Variants in NTRK2 observed in about 807,000 individuals in gnomAD.
The protein encoded by NTRK2 is BDNF/NT-3 growth factors receptor.
In NTRK2, 13 loss-of-function variants were observed where a neutral mutation model predicts 94.5. The observed-to-expected ratio is 0.14, with a 90% CI of 0.09 to 0.22. The LOEUF (loss-of-function observed/expected upper bound fraction) is 0.22, where lower values mean the gene tolerates loss of function less well. Ranked by LOEUF, NTRK2 falls within the 10% of genes least tolerant of loss-of-function variation. The pLI, the probability that NTRK2 is intolerant of heterozygous loss-of-function variation, is 1.00. For missense variants in NTRK2, 639 were observed against 1,071.2 expected (o/e 0.60, Z 5.63); for synonymous variants, 372 against 407.4 (o/e 0.91, Z 1.05).
At chr9:84,851,818 T>TAAAAAAGCA (rs2074786473) in intron 12 of NTRK2, among the ~76,000 whole-genome samples, 1 of 152,184 alleles carries the variant, frequency 6.6e-6, no homozygotes, top group African/African-American at 2.4e-5. Context: ...GCAAAAAGTT[T>TAAAAAAGCA]CCTGTGCGGT....
intron 6 of NTRK2, among the ~76,000 whole-genome samples, chr9:84,717,321 T>G (rs187971823): frequency 3.9e-5 from 6 of 152,378 alleles, no homozygotes; most frequent in African/African-American, 1.4e-4. Context: ...TAACCCATCT[T>G]ATTTGTTGCC....
chr9:85,007,627 G>A (rs1831118044), intron 17 of NTRK2, among the ~76,000 whole-genome samples: 1 of 152,158 alleles, frequency 6.6e-6, no homozygotes, highest in Non-Finnish European at 1.5e-5. Flanking sequence ...GATGTCTTTG[G>A]AAGCATAACC....
At chr9:84,748,018 G>A (rs1368829951) in intron 11 of NTRK2, among the ~76,000 whole-genome samples, 2 of 152,180 alleles carry the variant, frequency 1.3e-5, no homozygotes. Context: ...AAGAGTTTGA[G>A]AGCCAAGAAG....
In NTRK2 at chr9:85,021,669, T is replaced by C; in HGVS notation, c.*232T>C. ...CTTTCTCTCTTTCCATCTCCCTTGG[T>C]TGTTCCTTTTTCTTTTTTTAAATTT... is the stretch of plus-strand genomic sequence containing the variant. On this transcript the variant is annotated 3_prime_UTR_variant, in exon 19 of 19. Coordinates refer to ENST00000277120, the MANE Select transcript of NTRK2 (RefSeq NM_006180.6). 3.5e-6 allele frequency: 2 copies of C among 568,606 alleles called. No homozygotes were observed. Among genetic ancestry groups the C allele is most frequent in the Admixed American group, 3.2e-5 (1 of 31,396 alleles). The allele number at this position is 568,606 out of a possible 1,614,324, so 35.2% of individuals were successfully genotyped here.
intron 14 of NTRK2, among the ~76,000 whole-genome samples, chr9:84,879,176 G>A (rs980197796): frequency 2.6e-5 from 4 of 152,188 alleles, no homozygotes; most frequent in South Asian, 2.1e-4. Context: ...GTGAGAGAGA[G>A]ACGGAGAGTG....
intron 13 of NTRK2, 140 bp downstream of exon 13, chr9:84,861,227 A>G: frequency 1.4e-6 from 1 of 702,994 alleles, no homozygotes; most frequent in South Asian, 1.8e-5. Flanking sequence ...TTGAAGAAGT[A>G]GGTCTAGAAT....
chr9:84,913,556 A>G (rs531346377), intron 14 of NTRK2, among the ~76,000 whole-genome samples: 1 of 152,272 alleles, frequency 6.6e-6, no homozygotes, highest in Non-Finnish European at 1.5e-5. Flanking sequence ...TGGATATAGT[A>G]TTCTGGACTA....
chr9:84,690,751 T>C (rs1245676470), intron 2 of NTRK2, among the ~76,000 whole-genome samples: 7 of 152,046 alleles, frequency 4.6e-5, no homozygotes, highest in Admixed American at 4.6e-4. Context: ...ATAATTTATA[T>C]GTTAGATTGA....
chr9:84,869,766 A>G (rs2075759176), intron 14 of NTRK2, among the ~76,000 whole-genome samples: 1 of 152,124 alleles, frequency 6.6e-6, no homozygotes, highest in Non-Finnish European at 1.5e-5. Flanking sequence ...GTAGCTTTAT[A>G]TTACTGAAAT....
intron 15 of NTRK2, among the ~76,000 whole-genome samples, chr9:84,944,596 A>C (rs1443666034): frequency 6.6e-6 from 1 of 152,204 alleles, no homozygotes; most frequent in African/African-American, 2.4e-5. Context: ...AGTGACTCAG[A>C]CCATCCTCTG....
At chr9:84,735,789 G>A (rs547337627) in intron 9 of NTRK2, among the ~76,000 whole-genome samples, 17 of 152,322 alleles carry the variant, frequency 1.1e-4, no homozygotes, top group Admixed American at 3.9e-4. Flanking sequence ...TTGATCCACT[G>A]TATGTCAGTC....
intron 8 of NTRK2, among the ~76,000 whole-genome samples, chr9:84,724,636 G>T (rs2062318438): frequency 6.6e-6 from 1 of 151,998 alleles, no homozygotes; most frequent in South Asian, 2.1e-4. Flanking sequence ...TATACTTTGG[G>T]CTGGTTGCTC....
At chr9:84,773,287 A>G (rs1588500972) in intron 12 of NTRK2, among the ~76,000 whole-genome samples, 1 of 152,144 alleles carries the variant, frequency 6.6e-6, no homozygotes, top group Non-Finnish European at 1.5e-5. Context: ...ACTCTTATAG[A>G]CCCTGAGGAT....
intron 12 of NTRK2, among the ~76,000 whole-genome samples, chr9:84,807,649 T>A (rs1393533149): frequency 2.0e-5 from 3 of 152,230 alleles, no homozygotes; most frequent in Non-Finnish European, 2.9e-5. Flanking sequence ...ACCCACAAGA[T>A]GTTCAGCCAT....
At chr9:84,870,331 G>GTGCATATATATATATA (rs1349303529) in intron 14 of NTRK2, among the ~76,000 whole-genome samples, 1 of 31,176 alleles carries the variant, frequency 3.2e-5, no homozygotes, top group Non-Finnish European at 6.8e-5. Flanking sequence ...GTGTGTGTGT[G>GTGCATATATATATATA]TATATATATA....
intron 17 of NTRK2, among the ~76,000 whole-genome samples, chr9:84,980,732 A>T (rs1003343027): frequency 6.6e-6 from 1 of 152,240 alleles, no homozygotes; most frequent in African/African-American, 2.4e-5. Context: ...AGGGCAGAGG[A>T]TGAGTGTGAG....
At chr9:84,881,321 A>T (rs546487932) in intron 14 of NTRK2, among the ~76,000 whole-genome samples, 10 of 152,368 alleles carry the variant, frequency 6.6e-5, no homozygotes, top group African/African-American at 2.4e-4. Flanking sequence ...AGTTCAGATT[A>T]GGCTTAGGGT....
chr9:84,671,244 A>G (rs1258750605), intron 2 of NTRK2, among the ~76,000 whole-genome samples: 1 of 152,204 alleles, frequency 6.6e-6, no homozygotes, highest in African/African-American at 2.4e-5. Context: ...TTTATATTTC[A>G]AAGCTCTGCT....
intron 9 of NTRK2, among the ~76,000 whole-genome samples, chr9:84,741,646 A>C (rs946283867): frequency 1.3e-5 from 2 of 152,224 alleles, no homozygotes; most frequent in Non-Finnish European, 2.9e-5. Context: ...TTTCAAAGCA[A>C]TTTGTGATCT....
Sources: gnomAD v4.1 joint callset for allele counts (sites outside exome capture counted in the v4.1 genomes callset) on GRCh38, gnomAD v4.1.1 for gene constraint, MANE v1.5 for transcripts, NCBI Gene and HGNC (gene_info 2026-07-23, HGNC 2026-07-21) for gene names.